Variants in GPATCH2 observed in about 807,000 individuals in gnomAD.
The protein encoded by GPATCH2 is G-patch domain containing 2.
In GPATCH2, 51 loss-of-function variants were observed where a neutral mutation model predicts 58.0. That is an observed-to-expected ratio of 0.88 (90% CI 0.70 to 1.11). GPATCH2 has a LOEUF of 1.11. Among genes scored for constraint, GPATCH2 ranks in the 50% most tolerant of loss-of-function variants. GPATCH2 has a pLI of 0.00. For synonymous variants in GPATCH2, 222 were observed against 218.5 expected (o/e 1.02, Z -0.14); for missense variants, 625 against 652.2 (o/e 0.96, Z 0.45).
chr1:217,566,424 T>C (rs1230327208), intron 5 of GPATCH2, among the ~76,000 whole-genome samples: 3 of 152,206 alleles, frequency 2.0e-5, no homozygotes, highest in Non-Finnish European at 4.4e-5. Context: ...ACTGCATATG[T>C]ATCACTATTA....
chr1:217,614,295 CT>C (rs1354856131), intron 2 of GPATCH2, 93 bp from the exon 3 acceptor site: 8 of 715,820 alleles, frequency 1.1e-5, no homozygotes, highest in Non-Finnish European at 1.3e-5. Context: ...AGAGATGGAA[CT>C]TAAGCCTGAC....
intron 5 of GPATCH2, among the ~76,000 whole-genome samples, chr1:217,564,452 T>C (rs1666105995): frequency 6.6e-6 from 1 of 152,206 alleles, no homozygotes; most frequent in Non-Finnish European, 1.5e-5. Context: ...TTTAATACCA[T>C]TTGTCTTACC....
intron 5 of GPATCH2, 159 bp downstream of exon 5, chr1:217,610,160 TTA>T (rs1261785266): frequency 9.6e-6 from 15 of 1,568,024 alleles, no homozygotes; most frequent in Non-Finnish European, 1.3e-5. Flanking sequence ...AAGATTTGGT[TTA>T]TAGGGGAATC....
Position 217,617,475 on chromosome 1 carries a change from C to T in GPATCH2, c.773+2308G>A, listed in dbSNP as rs528563913. Among the ~76,000 whole-genome samples, 85 of 152,136 alleles carry T rather than the reference C, an allele frequency of 5.6e-4. 1 individual carries two copies. The highest frequency in any genetic ancestry group is 1.9e-4 in the Non-Finnish European group (13 of 68,030). On this transcript the variant is annotated intron_variant, in intron 2 of 9. Transcript: ENST00000366935. ...TGAGAACAGAGTCTCCATTATTAGT[C>T]CAGGTGCCACCAGTGAAGAGTAAAT...
rs575773153 is a variant in GPATCH2, at chr1:217,495,571, A to G, written c.1206+2785T>C. 1.5e-4 allele frequency among the ~76,000 whole-genome samples: 23 copies of G among 152,354 alleles called. 1 individual carries two copies. In the South Asian group the frequency reaches 3.9e-3, roughly 26 times the overall value. On this transcript the variant is annotated intron_variant, in intron 7 of 9. Transcript: ENST00000366935. ...GAAAAGCTTCAGAATTAAAGAAGACAAAACAAAAAATGATGCTTCCTATAG... is the reference window on the plus strand; with the variant it reads ...GAAAAGCTTCAGAATTAAAGAAGACGAAACAAAAAATGATGCTTCCTATAG...
chr1:217,604,581 C>T (rs922848270), intron 5 of GPATCH2, among the ~76,000 whole-genome samples: 2 of 152,136 alleles, frequency 1.3e-5, no homozygotes, highest in African/African-American at 2.4e-5. Flanking sequence ...GTGAATTCCA[C>T]TCAAAAAATG....
chr1:217,564,199 G>T (rs1647259), intron 5 of GPATCH2, among the ~76,000 whole-genome samples: 132,359 of 152,018 alleles, frequency 0.87, 57,918 homozygotes, highest in African/African-American at 0.96. Flanking sequence ...AATCATCACT[G>T]TAAAAAAGGG....
intron 5 of GPATCH2, among the ~76,000 whole-genome samples, chr1:217,576,180 T>C (rs1558497365): frequency 6.6e-6 from 1 of 152,162 alleles, no homozygotes; most frequent in Non-Finnish European, 1.5e-5. Flanking sequence ...CAAAGTAGTT[T>C]TATAATTCAA....
intron 5 of GPATCH2, among the ~76,000 whole-genome samples, chr1:217,573,119 ATTAC>A (rs1481513832): frequency 6.6e-6 from 1 of 152,184 alleles, no homozygotes; most frequent in Admixed American, 6.5e-5. Context: ...ACCGTAAAAG[ATTAC>A]TTGTCTTTTG....
intron 5 of GPATCH2, among the ~76,000 whole-genome samples, chr1:217,582,928 T>G (rs1164663280): frequency 6.6e-6 from 1 of 152,178 alleles, no homozygotes; most frequent in African/African-American, 2.4e-5. Context: ...AAATACACCA[T>G]TCACTGTAAG....
chr1:217,592,031 A>G (rs1251258142), intron 5 of GPATCH2, among the ~76,000 whole-genome samples: 1 of 151,950 alleles, frequency 6.6e-6, no homozygotes, highest in African/African-American at 2.4e-5. Flanking sequence ...CAAGTTCACA[A>G]CTTAAAGAAA....
chr1:217,571,661 A>C (rs7555932), intron 5 of GPATCH2, among the ~76,000 whole-genome samples: 62,401 of 145,042 alleles, frequency 0.43, 15,565 homozygotes, highest in East Asian at 0.92. Context: ...CCGTCTCTAC[A>C]AAAAATACAA....
Position 217,441,194 on chromosome 1 carries a change from T to C in GPATCH2, c.1366+8055A>G, listed in dbSNP as rs1659118988. On this transcript the variant is annotated intron_variant, in intron 9 of 9. Transcript: ENST00000366935. ...TGGAACAGAACAGAGGCCTCAGAAATAACGCCACACATCTACAACCATCTG... is the reference window on the plus strand; with the variant it reads ...TGGAACAGAACAGAGGCCTCAGAAACAACGCCACACATCTACAACCATCTG... Among the ~76,000 whole-genome samples, 5 of 152,100 alleles carry C rather than the reference T, an allele frequency of 3.3e-5. No homozygotes were observed. The South Asian group carries it at 1.0e-3, about 32-fold the overall frequency.
intron 5 of GPATCH2, among the ~76,000 whole-genome samples, chr1:217,539,065 G>A (rs1396520450): frequency 6.6e-6 from 1 of 152,046 alleles, no homozygotes; most frequent in Non-Finnish European, 1.5e-5. Flanking sequence ...TCTGTGTGTC[G>A]ATAATTAAAT....
intron 5 of GPATCH2, among the ~76,000 whole-genome samples, chr1:217,603,449 T>C (rs551559009): frequency 1.3e-5 from 2 of 152,284 alleles, no homozygotes; most frequent in South Asian, 4.1e-4. Context: ...TGTAAATATC[T>C]GCTCTTTTAA....
chr1:217,441,126 C>CA (rs1207281182), intron 9 of GPATCH2, among the ~76,000 whole-genome samples: 2 of 148,078 alleles, frequency 1.4e-5, no homozygotes, highest in Non-Finnish European at 3.0e-5. Flanking sequence ...CTACAGTAAC[C>CA]AAAACAGCAT....
chr1:217,556,977 G>A (rs535885485), intron 5 of GPATCH2, among the ~76,000 whole-genome samples: 2 of 152,186 alleles, frequency 1.3e-5, no homozygotes, highest in East Asian at 3.9e-4. Context: ...GATCAGTTGT[G>A]TTTCTTCTTT....
At chr1:217,553,280 C>G (rs1665449787) in intron 5 of GPATCH2, among the ~76,000 whole-genome samples, 1 of 152,032 alleles carries the variant, frequency 6.6e-6, no homozygotes, top group Non-Finnish European at 1.5e-5. Context: ...TTTTAAGAAC[C>G]TCATAATCAC....
intron 8 of GPATCH2, among the ~76,000 whole-genome samples, chr1:217,471,902 GTAAAT>G (rs1407538659): frequency 2.0e-5 from 3 of 152,108 alleles, no homozygotes; most frequent in Admixed American, 6.5e-5. Flanking sequence ...CTAAGTGAAA[GTAAAT>G]TAAAGATGTT....
Sources: gnomAD v4.1 joint callset for allele counts (sites outside exome capture counted in the v4.1 genomes callset) on GRCh38, gnomAD v4.1.1 for gene constraint, MANE v1.5 for transcripts, NCBI Gene and HGNC (gene_info 2026-07-23, HGNC 2026-07-21) for gene names.